The following RRAS2 variants were observed in gnomAD, a reference collection of about 807,000 sequenced individuals.
The protein encoded by RRAS2 is ras-related protein R-Ras2.
Under a neutral mutation model 27.6 loss-of-function variants are expected in RRAS2, and 7 were observed. The observed-to-expected ratio is 0.25, with a 90% CI of 0.14 to 0.48. RRAS2 has a LOEUF of 0.48. Ranked by LOEUF, RRAS2 falls within the 20% of genes least tolerant of loss-of-function variation. The probability of loss-of-function intolerance (pLI) is 0.99; values close to 1 mark genes in which losing one functional copy is unlikely to be tolerated. For synonymous variants in RRAS2, 86 were observed against 90.9 expected (o/e 0.95, Z 0.31); for missense variants, 178 against 256.2 (o/e 0.69, Z 2.08).
chr11:14,310,081 C>T (rs2970333), intron 1 of RRAS2, among the ~76,000 whole-genome samples: 106,371 of 151,996 alleles, frequency 0.7, 38,078 homozygotes, highest in Admixed American at 0.78. Flanking sequence ...GGAGGGCCAA[C>T]AGCATTTGCA....
At chr11:14,297,308 C>T (rs1554946781) in intron 1 of RRAS2, among the ~76,000 whole-genome samples, 1 of 152,120 alleles carries the variant, frequency 6.6e-6, no homozygotes, top group Non-Finnish European at 1.5e-5. Context: ...CTCTTGGGAC[C>T]CAACATTCGT....
chr11:14,308,160 G>T, intron 1 of RRAS2: 1 of 309,588 alleles, frequency 3.2e-6, no homozygotes, highest in Non-Finnish European at 6.3e-6. Flanking sequence ...TGCTTTATGT[G>T]CACAAAATAT....
At chr11:14,362,724 T>C (rs782376066), upstream of RRAS2, among the ~76,000 whole-genome samples, 2 of 152,166 alleles carry the variant, frequency 1.3e-5, no homozygotes, top group Non-Finnish European at 2.9e-5. Flanking sequence ...AGAATTTCTT[T>C]CCCAATGTCA....
intron 1 of RRAS2, among the ~76,000 whole-genome samples, chr11:14,326,576 G>A (rs1430328639): frequency 6.6e-6 from 1 of 152,076 alleles, no homozygotes; most frequent in African/African-American, 2.4e-5. Context: ...AGAATTTTAA[G>A]GGGTAAAAGT....
At chr11:14,337,728 C>A (rs2349297) in intron 1 of RRAS2, among the ~76,000 whole-genome samples, 1 of 152,006 alleles carries the variant, frequency 6.6e-6, no homozygotes, top group East Asian at 1.9e-4. Context: ...CAGGCATCTG[C>A]GGGGGTTGAA....
At chr11:14,348,561 T>C (rs928299916) in intron 1 of RRAS2, among the ~76,000 whole-genome samples, 3 of 152,242 alleles carry the variant, frequency 2.0e-5, no homozygotes, top group Non-Finnish European at 2.9e-5. Context: ...CATAGATCCT[T>C]ACTCTATTTA....
At chr11:14,347,991 GT>G (rs1848874361) in intron 1 of RRAS2, among the ~76,000 whole-genome samples, 1 of 152,050 alleles carries the variant, frequency 6.6e-6, no homozygotes, top group African/African-American at 2.4e-5. Context: ...AAAGATTAGA[GT>G]TTATGGACAA....
rs34954723 is a variant in RRAS2, at chr11:14,287,871, C to CAA, written c.409-6153_409-6152dup. ...TGGTTGACAGAGCAAGACTCTGTCT[C>CAA]AAAAAAAAAAAAAAAAAAAGAAGAA... On this transcript the variant is annotated intron_variant, in intron 4 of 5. Transcript: ENST00000256196. Among the ~76,000 whole-genome samples, 23 of 119,000 alleles carry CAA rather than the reference C, an allele frequency of 1.9e-4. No homozygotes were observed. The South Asian group carries it at 3.0e-3, about 15-fold the overall frequency. 78.1% of individuals were successfully genotyped at this position (119,000 alleles called of 152,430 possible).
At chr11:14,316,696 T>A (rs1034726926) in intron 1 of RRAS2, among the ~76,000 whole-genome samples, 33 of 152,338 alleles carry the variant, frequency 2.2e-4, no homozygotes, top group African/African-American at 7.7e-4. Flanking sequence ...TGAGCTATGA[T>A]CGCACCACTG....
rs1847530561 is a variant in RRAS2, at chr11:14,295,793, T to C, written c.171A>G (p.Ile57Met). The C allele has an allele frequency of 1.2e-6, 2 of 1,612,740 alleles. No homozygotes were observed. The highest frequency in any genetic ancestry group is 1.3e-5 in the African/African-American group (1 of 74,924). The change falls in exon 2 of 6, where the codon ATA (isoleucine) becomes ATG (methionine). Residue 57 changes from isoleucine to methionine, a missense_variant. By Grantham distance (10) the Ile-to-Met change is conservative. Coordinates refer to ENST00000256196, the MANE Select transcript of RRAS2 (RefSeq NM_012250.6). ...TATCTAGCCGGGCTGCTCTGTCATC[T>C]ATCACACACTGCTTTGTGTAAGAAT... ...IEDSYTKQCV[I>M]DDRAARLDIL...
At position 14,329,096 on chromosome 11, in the gene RRAS2, C is replaced by G. The variant is rs578226842; in HGVS notation, c.108+29667G>C. Among the ~76,000 whole-genome samples the G allele has an allele frequency of 4.8e-5, 7 of 145,424 alleles. No individual in the cohort carries two copies. The South Asian group carries it at 8.9e-4, about 19-fold the overall frequency. On this transcript the variant is annotated intron_variant, in intron 1 of 5. Transcript: ENST00000256196. ...ACACACACACACACACACACACACACACGCATATACATATATATATATATT... is the reference window on the plus strand; with the variant it reads ...ACACACACACACACACACACACACAGACGCATATACATATATATATATATT...
At chr11:14,325,297 T>C (rs1848326829) in intron 1 of RRAS2, among the ~76,000 whole-genome samples, 1 of 149,534 alleles carries the variant, frequency 6.7e-6, no homozygotes, top group Admixed American at 6.8e-5. Context: ...GAGTTTCTTT[T>C]AATCCTTTTA....
At position 14,358,757 on chromosome 11, in the gene RRAS2, A is replaced by T; in HGVS notation, c.108+6T>A. The T allele has an allele frequency of 7.1e-7, 1 of 1,408,286 alleles. No homozygotes were observed. Among genetic ancestry groups the T allele is most frequent in the Non-Finnish European group, 9.4e-7 (1 of 1,067,376 alleles). The allele number at this position is 1,408,286 out of a possible 1,614,324, so 87.2% of individuals were successfully genotyped here. A position where few individuals can be genotyped will look rare whatever the true frequency, so the allele number is the denominator to read the frequency against. The stretch of plus-strand genomic sequence containing the variant: ...CCGGCGCCCCGGGCAGGCCCGCTCC[A>T]GGTACCTGGATGAACTGGATGGTGA... On this transcript the variant is annotated splice_donor_region_variant and intron_variant, in intron 1 of 5. Transcript: ENST00000256196. The surrounding 1 kb of genome is among the most constrained non-coding windows in gnomAD (Gnocchi z 5.1).
chr11:14,355,938 A>C (rs752955601), intron 1 of RRAS2, among the ~76,000 whole-genome samples: 1 of 152,200 alleles, frequency 6.6e-6, no homozygotes, highest in Non-Finnish European at 1.5e-5. Flanking sequence ...TTAAGTGTAA[A>C]TATAAAAAAA....
intron 1 of RRAS2, among the ~76,000 whole-genome samples, chr11:14,325,464 T>C (rs1249706145): frequency 6.6e-6 from 1 of 152,044 alleles, no homozygotes; most frequent in East Asian, 1.9e-4. Context: ...CCACGACGCC[T>C]GGCTTTTTGT....
intron 1 of RRAS2, among the ~76,000 whole-genome samples, chr11:14,305,318 T>C (rs1554947955): frequency 6.6e-6 from 1 of 152,208 alleles, no homozygotes; most frequent in African/African-American, 2.4e-5. Flanking sequence ...AAATTGCAGG[T>C]ATATTCGGAG....
intron 2 of RRAS2, 114 bp from the exon 3 acceptor site, chr11:14,294,976 G>T (rs1158475206): frequency 7.9e-6 from 6 of 760,818 alleles, no homozygotes; most frequent in South Asian, 7.4e-5. Context: ...GTATAATACA[G>T]AAATGGCATT....
In RRAS2 at chr11:14,358,685, G is replaced by T; in HGVS notation, c.108+78C>A. 3 of 1,045,038 alleles carry T rather than the reference G, an allele frequency of 2.9e-6. No individual in the cohort carries two copies. Among genetic ancestry groups the T allele is most frequent in the Non-Finnish European group, 3.5e-6 (3 of 868,440 alleles). 64.7% of individuals were successfully genotyped at this position (1,045,038 alleles called of 1,614,324 possible). On this transcript the variant is annotated intron_variant, in intron 1 of 5. Coordinates refer to ENST00000256196, the MANE Select transcript of RRAS2 (RefSeq NM_012250.6). This position sits in a 1 kb window ranked among gnomAD's most constrained non-coding sequence, Gnocchi z 5.1. ...CGAGGCGCCTCTGGGGCGAGGTCGC[G>T]GCGGCCGCCCCGCCACAGGTAGCGC...
intron 4 of RRAS2, among the ~76,000 whole-genome samples, chr11:14,288,074 A>C (rs1554945332): frequency 6.6e-6 from 1 of 152,164 alleles, no homozygotes; most frequent in Non-Finnish European, 1.5e-5. Flanking sequence ...TCAACCTCCC[A>C]GTCTCAGGTG....
Sources: gnomAD v4.1 joint callset for allele counts (sites outside exome capture counted in the v4.1 genomes callset) on GRCh38, gnomAD v4.1.1 for gene constraint, Gnocchi (gnomAD v3.1) non-coding constraint, MANE v1.5 for transcripts, NCBI Gene and HGNC (gene_info 2026-07-23, HGNC 2026-07-21) for gene names.